ARK2C: variants seen among roughly 807,000 people sequenced by gnomAD.
ARK2C encodes the protein E3 ubiquitin-protein ligase ARK2C.
At chr18:46,460,871 C>G in the ARK2C span, 1 of 152,626 alleles carries the variant, frequency 6.6e-6, no homozygotes, top group African/African-American at 2.4e-5. Context: ...TGTCAGCAGA[C>G]TGGGGTAATC....
chr18:46,345,101 A>T, the ARK2C span, among the ~76,000 whole-genome samples: 2 of 152,160 alleles, frequency 1.3e-5, no homozygotes, highest in African/African-American at 2.4e-5. Flanking sequence ...GGTGCCTGGG[A>T]TGCAGGGGTG....
the ARK2C span, chr18:46,450,718 C>T: frequency 1.6e-5 from 26 of 1,613,582 alleles, no homozygotes; most frequent in Admixed American, 5.0e-5. Flanking sequence ...TGCTGCAGCT[C>T]GAGGACAGGT....
At chr18:46,420,023 G>A in the ARK2C span, among the ~76,000 whole-genome samples, 32,069 of 151,958 alleles carry the variant, frequency 0.21, 3,817 homozygotes, top group East Asian at 0.38. Context: ...AGTGATGGTT[G>A]GGAATCTAAT....
the ARK2C span, among the ~76,000 whole-genome samples, chr18:46,345,786 G>T: frequency 6.6e-6 from 1 of 152,146 alleles, no homozygotes; most frequent in African/African-American, 2.4e-5. Flanking sequence ...TTTCATTCAG[G>T]CAGGTCAGTC....
At chr18:46,430,475 A>G in the ARK2C span, among the ~76,000 whole-genome samples, 1 of 152,172 alleles carries the variant, frequency 6.6e-6, no homozygotes, top group Non-Finnish European at 1.5e-5. Flanking sequence ...CTGGGCACTC[A>G]GAGGCCTTTT....
chr18:46,372,141 G>A, the ARK2C span, among the ~76,000 whole-genome samples: 3 of 152,262 alleles, frequency 2.0e-5, no homozygotes, highest in African/African-American at 4.8e-5. Flanking sequence ...TGGCTGCAGG[G>A]CCTTAGGAGC....
chr18:46,352,262 T>C, the ARK2C span, among the ~76,000 whole-genome samples: 35 of 152,334 alleles, frequency 2.3e-4, no homozygotes, highest in East Asian at 5.8e-3. Flanking sequence ...AGGCAGCCAG[T>C]ATGGACTCCA....
the ARK2C span, among the ~76,000 whole-genome samples, chr18:46,406,259 G>C: frequency 6.6e-6 from 1 of 152,324 alleles, no homozygotes; most frequent in Non-Finnish European, 1.5e-5. Context: ...CCTCCCCAGA[G>C]AGTGGCCACT....
the ARK2C span, among the ~76,000 whole-genome samples, chr18:46,393,987 G>A: frequency 8.5e-5 from 13 of 152,330 alleles, no homozygotes; most frequent in South Asian, 2.7e-3. Flanking sequence ...AGTGGGGCTG[G>A]CCCCTGGCAT....
chr18:46,430,151 G>T, the ARK2C span, among the ~76,000 whole-genome samples: 1 of 152,146 alleles, frequency 6.6e-6, no homozygotes, highest in Non-Finnish European at 1.5e-5. Context: ...TGTTGAGAAG[G>T]TTAATTTTTT....
At chr18:46,444,846 C>T in the ARK2C span, among the ~76,000 whole-genome samples, 1 of 152,194 alleles carries the variant, frequency 6.6e-6, no homozygotes, top group South Asian at 2.1e-4. Flanking sequence ...TTTACTGTTA[C>T]TCTAACCCAG....
the ARK2C span, among the ~76,000 whole-genome samples, chr18:46,412,388 C>T: frequency 6.6e-6 from 1 of 152,242 alleles, no homozygotes; most frequent in South Asian, 2.1e-4. Flanking sequence ...GCAAACATGT[C>T]CCTGCCAGTC....
At chr18:46,395,219 G>A in the ARK2C span, among the ~76,000 whole-genome samples, 2 of 152,252 alleles carry the variant, frequency 1.3e-5, no homozygotes, top group Non-Finnish European at 1.5e-5. Flanking sequence ...TTTCCAGGAA[G>A]AGTGCAGGGG....
At chr18:46,413,848 C>T in the ARK2C span, among the ~76,000 whole-genome samples, 1 of 152,182 alleles carries the variant, frequency 6.6e-6, no homozygotes, top group Non-Finnish European at 1.5e-5. Flanking sequence ...CCCAGCTGCC[C>T]AGGTTCTCTC....
the ARK2C span, among the ~76,000 whole-genome samples, chr18:46,367,501 C>G: frequency 6.6e-6 from 1 of 152,094 alleles, no homozygotes; most frequent in African/African-American, 2.4e-5. Flanking sequence ...CATTGACATT[C>G]TTTGAGGCAG....
At chr18:46,368,964 T>C in the ARK2C span, among the ~76,000 whole-genome samples, 3 of 152,272 alleles carry the variant, frequency 2.0e-5, no homozygotes, top group Non-Finnish European at 4.4e-5. Context: ...ATCATTTCTA[T>C]GTGCCAGGCA....
At chr18:46,404,856 G>A in the ARK2C span, among the ~76,000 whole-genome samples, 1 of 152,044 alleles carries the variant, frequency 6.6e-6, no homozygotes, top group Non-Finnish European at 1.5e-5. Context: ...GGGATTATTA[G>A]TTCCATTTTA....
At chr18:46,337,578 C>T in the ARK2C span, 100 of 984,884 alleles carry the variant, frequency 1.0e-4, no homozygotes, top group Admixed American at 6.8e-4. Context: ...GTGTGCATGA[C>T]GACATTGTTA....
chr18:46,347,387 C>T, the ARK2C span, among the ~76,000 whole-genome samples: 3 of 152,216 alleles, frequency 2.0e-5, no homozygotes, highest in Admixed American at 2.0e-4. Context: ...TTCTCTGCCT[C>T]CTCTCCTGCC....
Sources: allele counts gnomAD v4.1 joint callset (sites outside exome capture counted in the v4.1 genomes callset), GRCh38; gene constraint gnomAD v4.1.1; transcripts MANE v1.5; gene names NCBI Gene and HGNC (gene_info 2026-07-23, HGNC 2026-07-21).